Variants in CADPS observed in about 807,000 individuals in gnomAD.
The protein encoded by CADPS is calcium dependent secretion activator.
A neutral mutation model predicts 167.3 loss-of-function variants in CADPS; 57 were observed. The ratio of observed to expected loss-of-function variants is 0.34; its 90% CI spans 0.28 to 0.42. The LOEUF is 0.42. Ranked by LOEUF, CADPS falls within the 20% of genes least tolerant of loss-of-function variation. The probability of loss-of-function intolerance (pLI) is 1.00; values close to 1 mark genes in which losing one functional copy is unlikely to be tolerated. For missense variants in CADPS, 1,414 were observed against 1,738.1 expected (o/e 0.81, Z 3.32); for synonymous variants, 676 against 635.3 (o/e 1.06, Z -0.96).
intron 1 of CADPS, chr3:62,796,488 A>C (rs924686529): frequency 1.3e-5 from 2 of 152,198 alleles, no homozygotes; most frequent in African/African-American, 2.4e-5. Context: ...AGCAATTTGC[A>C]CCTGGTCAAG....
intron 1 of CADPS, among the ~76,000 whole-genome samples, chr3:62,805,880 A>G (rs894269257): frequency 2.0e-5 from 3 of 152,076 alleles, no homozygotes; most frequent in African/African-American, 7.2e-5. Context: ...GCACTTCTCT[A>G]TCTAAAACCA....
At chr3:62,405,349 G>A (rs1708048151) in intron 28 of CADPS, among the ~76,000 whole-genome samples, 1 of 151,626 alleles carries the variant, frequency 6.6e-6, no homozygotes, top group African/African-American at 2.4e-5. Flanking sequence ...TTTTGCTTTG[G>A]CTGTGACAAC....
intron 1 of CADPS, among the ~76,000 whole-genome samples, chr3:62,864,017 T>A (rs540036599): frequency 6.6e-6 from 1 of 152,326 alleles, no homozygotes. Context: ...GTGAACTACT[T>A]CTTATTGGCC....
chr3:62,587,200 T>A (rs1462658708), intron 7 of CADPS, among the ~76,000 whole-genome samples: 4 of 152,244 alleles, frequency 2.6e-5, no homozygotes, highest in Admixed American at 1.3e-4. Context: ...AGTTATCTTC[T>A]GAGGTCGCTT....
chr3:62,620,192 G>C (rs1040625298), intron 6 of CADPS, among the ~76,000 whole-genome samples: 1 of 152,088 alleles, frequency 6.6e-6, no homozygotes, highest in East Asian at 1.9e-4. Context: ...TGTTGGAATA[G>C]GGATGGCAGG....
intron 3 of CADPS, among the ~76,000 whole-genome samples, chr3:62,696,419 A>G (rs1048547478): frequency 6.6e-6 from 1 of 151,832 alleles, no homozygotes; most frequent in Admixed American, 6.6e-5. Flanking sequence ...TTTGCACCTC[A>G]TTGCATCCCT....
chr3:62,498,870 A>G (rs1460570945), intron 18 of CADPS, among the ~76,000 whole-genome samples: 1 of 117,924 alleles, frequency 8.5e-6, no homozygotes, highest in East Asian at 2.8e-4. Flanking sequence ...GTTCTGGACA[A>G]TGGTAACCAG....
chr3:62,743,478 A>C (rs2080758803), intron 3 of CADPS, among the ~76,000 whole-genome samples: 1 of 152,206 alleles, frequency 6.6e-6, no homozygotes, highest in Admixed American at 6.5e-5. Context: ...TGCAATTTGG[A>C]ATTTTATGTA....
At chr3:62,828,013 A>G (rs1016730966) in intron 1 of CADPS, among the ~76,000 whole-genome samples, 3 of 152,186 alleles carry the variant, frequency 2.0e-5, no homozygotes, top group Non-Finnish European at 4.4e-5. Flanking sequence ...TGTCTCAGAA[A>G]GAGAACTTCT....
intron 3 of CADPS, among the ~76,000 whole-genome samples, chr3:62,673,126 C>T (rs777873086): frequency 2.0e-5 from 3 of 152,172 alleles, no homozygotes; most frequent in Admixed American, 2.0e-4. Context: ...TGGCAAAGAC[C>T]TTGTCTGTCT....
chr3:62,829,970 A>T (rs572482180), intron 1 of CADPS, among the ~76,000 whole-genome samples: 11 of 152,124 alleles, frequency 7.2e-5, no homozygotes, highest in South Asian at 2.1e-4. Context: ...TTCTGCTGAG[A>T]TTTCTTCCCT....
intron 1 of CADPS, among the ~76,000 whole-genome samples, chr3:62,842,828 A>G (rs1010118305): frequency 2.6e-5 from 4 of 152,162 alleles, no homozygotes; most frequent in Admixed American, 1.3e-4. Flanking sequence ...AAATTATGAT[A>G]AAAGTTTTAT....
At chr3:62,799,813 C>T (rs1211882887) in intron 1 of CADPS, among the ~76,000 whole-genome samples, 2 of 152,152 alleles carry the variant, frequency 1.3e-5, no homozygotes, top group African/African-American at 2.4e-5. Context: ...ACCACCATCA[C>T]AGTTGGAAAG....
chr3:62,829,874 T>A (rs2074750661), intron 1 of CADPS, among the ~76,000 whole-genome samples: 1 of 152,190 alleles, frequency 6.6e-6, no homozygotes, highest in Non-Finnish European at 1.5e-5. Context: ...GAGGATATGC[T>A]GCATTTCCAC....
At chr3:62,626,592 T>C (rs1029180759) in intron 6 of CADPS, 1 of 701,576 alleles carries the variant, frequency 1.4e-6, no homozygotes, top group Non-Finnish European at 2.6e-6. Context: ...AAGTTCTCAG[T>C]GTGAAGGAAG....
chr3:62,845,306 A>G (rs1258999434), intron 1 of CADPS, among the ~76,000 whole-genome samples: 1 of 152,186 alleles, frequency 6.6e-6, no homozygotes, highest in African/African-American at 2.4e-5. Flanking sequence ...TTCCCCAGAT[A>G]GAAGTGTTAA....
intron 3 of CADPS, among the ~76,000 whole-genome samples, chr3:62,690,153 T>C (rs1351863468): frequency 6.6e-6 from 1 of 151,998 alleles, no homozygotes; most frequent in East Asian, 1.9e-4. Context: ...TTCTGGAAGA[T>C]CTGTCAACAA....
At chr3:62,763,097 C>G (rs2085926514) in intron 2 of CADPS, among the ~76,000 whole-genome samples, 1 of 152,160 alleles carries the variant, frequency 6.6e-6, no homozygotes, top group Non-Finnish European at 1.5e-5. Flanking sequence ...GAAAATGGTT[C>G]CAGTGCAGCT....
At position 62,874,199 on chromosome 3, in the gene CADPS, C is replaced by G. The variant is rs2083210135; in HGVS notation, c.441+390G>C. Among the ~76,000 whole-genome samples the G allele has an allele frequency of 6.6e-6, 1 of 152,098 alleles. No homozygotes were observed. The highest frequency in any genetic ancestry group is 1.9e-4 in the East Asian group (1 of 5,134). On this transcript the variant is annotated intron_variant, in intron 1 of 29. Transcript: ENST00000383710. The surrounding 1 kb of genome is among the most constrained non-coding windows in gnomAD (Gnocchi z 7.1). ...GCGGGCCCGGAGTTGAGCGCAGCCG[C>G]CCGCCGCTGGAGAGCGCTGGGAGCC...
Sources: allele counts gnomAD v4.1 joint callset (sites outside exome capture counted in the v4.1 genomes callset), GRCh38; gene constraint gnomAD v4.1.1; non-coding constraint Gnocchi (gnomAD v3.1); transcripts MANE v1.5; gene names NCBI Gene and HGNC (gene_info 2026-07-23, HGNC 2026-07-21).